The following PRDM15 variants were observed in gnomAD, a reference collection of about 807,000 sequenced individuals.
PRDM15 encodes the protein PR domain zinc finger protein 15.
PRDM15 carries 64 observed loss-of-function variants against 128.6 expected under a neutral mutation model. The ratio of observed to expected loss-of-function variants is 0.50; its 90% CI spans 0.41 to 0.61. The LOEUF (loss-of-function observed/expected upper bound fraction) is 0.61. Ranked by LOEUF, PRDM15 falls within the 20% of genes least tolerant of loss-of-function variation. The pLI is 0.00. For synonymous variants in PRDM15, 615 were observed against 621.8 expected, an observed-to-expected ratio of 0.99 and a Z score of 0.16; for missense variants, 1,242 against 1,569.1, an observed-to-expected ratio of 0.79 and a Z score of 3.52.
intron 6 of PRDM15, among the ~76,000 whole-genome samples, chr21:41,841,979 T>C (rs941442727): frequency 6.6e-6 from 1 of 152,098 alleles, no homozygotes; most frequent in Non-Finnish European, 1.5e-5. Flanking sequence ...TAAGAAAAAA[T>C]CATCTGAAAT....
intron 11 of PRDM15, among the ~76,000 whole-genome samples, chr21:41,831,555 G>T (rs1219529828): frequency 6.6e-6 from 1 of 152,256 alleles, no homozygotes; most frequent in Non-Finnish European, 1.5e-5. Context: ...CCAATGTGCA[G>T]CCCAGGTTGG....
At chr21:41,816,407 C>T (rs1435724746) in intron 18 of PRDM15, among the ~76,000 whole-genome samples, 11 of 152,206 alleles carry the variant, frequency 7.2e-5, no homozygotes. Context: ...GCAGGGGGCA[C>T]AGGCATGTGC....
In PRDM15 at chr21:41,821,703, C is replaced by T. The variant is rs1422901554; in HGVS notation, c.1896+200G>A. On this transcript the variant is annotated intron_variant, in intron 15 of 23. Transcript: ENST00000398548. This position sits in a 1 kb window ranked among gnomAD's most constrained non-coding sequence, Gnocchi z 5.4. ...ACCCACACAGACCGTCCCTGAGCAC[C>T]AAGGTGACACAGGCTGGCCTTCCCA... is the stretch of plus-strand genomic sequence containing the variant. Among the ~76,000 whole-genome samples the T allele has an allele frequency of 6.6e-6, 1 of 152,236 alleles. No homozygotes were observed. The highest frequency in any genetic ancestry group is 1.9e-4 in the East Asian group (1 of 5,196).
At chr21:41,846,754 A>G (rs1041068784) in intron 6 of PRDM15, among the ~76,000 whole-genome samples, 3 of 152,256 alleles carry the variant, frequency 2.0e-5, no homozygotes, top group African/African-American at 7.2e-5. Context: ...TGTCAAGTAG[A>G]GACAACAAAG....
At chr21:41,827,884 C>T (rs138158272) in intron 12 of PRDM15, among the ~76,000 whole-genome samples, 1,626 of 152,226 alleles carry the variant, frequency 0.011, 71 homozygotes, top group Admixed American at 0.082. Context: ...CCCCACAAAT[C>T]GTCCAGTTTT....
rs894357711 is a variant in PRDM15 at position 41,799,587 on chromosome 21, C to T, written c.*1653G>A. 1 of 152,190 alleles carries T rather than the reference C, an allele frequency of 6.6e-6. No individual in the cohort carries two copies. Among genetic ancestry groups the T allele is most frequent in the Admixed American group, 6.5e-5 (1 of 15,280 alleles). The allele number at this position is 152,190 out of a possible 1,614,324, so 9.4% of individuals were successfully genotyped here. ...ATGAACATTCCTTAGTTCATGAAGG[C>T]ATATATTGCACAAAACAAATTCCAG... is the stretch of plus-strand genomic sequence containing the variant. On this transcript the variant is annotated 3_prime_UTR_variant, in exon 24 of 24. Transcript: ENST00000398548.
rs368311223 is a variant in PRDM15, at chr21:41,860,231, A to G, written c.37+96T>C. The G allele has an allele frequency of 3.7e-5, 32 of 859,822 alleles. 2 individuals are homozygous for G. The highest frequency in any genetic ancestry group is 1.2e-4 in the East Asian group (5 of 41,124). The allele number at this position is 859,822 out of a possible 1,614,324, so 53.3% of individuals were successfully genotyped here. ...TTTCTATATTATAAAAACCAAATGT[A>G]GACGTGGCTTTGCCCAGACAGCAAG... On this transcript the variant is annotated intron_variant, in intron 2 of 23. Coordinates refer to ENST00000398548, the MANE Select transcript of PRDM15 (RefSeq NM_001040424.3).
chr21:41,806,533 ATC>A (rs2061658337), intron 21 of PRDM15, among the ~76,000 whole-genome samples: 2 of 54,338 alleles, frequency 3.7e-5, no homozygotes, highest in African/African-American at 2.0e-4. Flanking sequence ...CACCACCACC[ATC>A]ACTACCACCA....
intron 18 of PRDM15, among the ~76,000 whole-genome samples, chr21:41,817,939 C>T (rs2062108292): frequency 6.6e-6 from 1 of 152,216 alleles, no homozygotes; most frequent in African/African-American, 2.4e-5. Context: ...ATGTCTACAA[C>T]ATTATAAAAT....
At chr21:41,865,511 ACACCC>A (rs986501212) in intron 1 of PRDM15, among the ~76,000 whole-genome samples, 4 of 151,812 alleles carry the variant, frequency 2.6e-5, no homozygotes, top group Admixed American at 1.3e-4. Flanking sequence ...ACCCCCTAAC[ACACCC>A]CAGGCTGTGG....
At chr21:41,822,059 C>T (rs754725354) in intron 14 of PRDM15, 22 bp from the exon 15 acceptor site, 31 of 1,613,182 alleles carry the variant, frequency 1.9e-5, no homozygotes, top group South Asian at 8.8e-5. Context: ...CCACCACTTC[C>T]GGTTTCTAAC....
chr21:41,827,776 C>T (rs1601245217), intron 12 of PRDM15, among the ~76,000 whole-genome samples: 1 of 152,052 alleles, frequency 6.6e-6, no homozygotes, highest in African/African-American at 2.4e-5. Context: ...CTTAGTTGCT[C>T]TTATACTGGT....
Position 41,865,158 on chromosome 21 carries a change from C to G in PRDM15, c.-9-4786G>C, listed in dbSNP as rs55884678. On this transcript the variant is annotated intron_variant, in intron 1 of 23. Transcript: ENST00000398548. ...TCCCCACTCCCCACTCCCCGGCTCA[C>G]TCCTCACTCCCCTGCTCACTCCTCA... is the stretch of plus-strand genomic sequence containing the variant. 1.3e-3 allele frequency among the ~76,000 whole-genome samples: 119 copies of G among 93,856 alleles called. 1 individual carries two copies. Among genetic ancestry groups the G allele is most frequent in the African/African-American group, 4.5e-3 (114 of 25,186 alleles). 61.6% of individuals were successfully genotyped at this position (93,856 alleles called of 152,430 possible).
intron 14 of PRDM15, among the ~76,000 whole-genome samples, chr21:41,822,331 C>T (rs1333758880): frequency 6.6e-6 from 1 of 152,234 alleles, no homozygotes; most frequent in Admixed American, 6.5e-5. Flanking sequence ...GGGAAGTCCC[C>T]CTAGTGAGTC....
At chr21:41,818,070 C>G (rs940314274) in intron 18 of PRDM15, among the ~76,000 whole-genome samples, 3 of 152,240 alleles carry the variant, frequency 2.0e-5, no homozygotes, top group East Asian at 3.8e-4. Context: ...TAAGCCCCCA[C>G]CCCTGCCCCT....
At chr21:41,816,750 G>C (rs1455619876) in intron 18 of PRDM15, among the ~76,000 whole-genome samples, 2 of 152,144 alleles carry the variant, frequency 1.3e-5, no homozygotes, top group African/African-American at 4.8e-5. Flanking sequence ...GCCAGCAGGG[G>C]GAGCAAAGGC....
rs536148119 is a variant in PRDM15 at position 41,836,476 on chromosome 21, C to T, written c.1175G>A (p.Arg392His). The stretch of plus-strand genomic sequence containing the variant: ...GGGCCTCGCGGACTCACCATGCGAG[C>T]GCACGTGCCTGCTCAGGTTGCTGCT... ...QNSSNLSRHV[R>H]SHGDKLFKCE... Residue 392 changes from arginine to histidine, a missense_variant, in exon 9 of 24, where the codon CGC (arginine) becomes CAC (histidine). Coordinates refer to ENST00000398548, the MANE Select transcript of PRDM15 (RefSeq NM_001040424.3). The T allele has an allele frequency of 3.1e-6, 5 of 1,609,702 alleles. No individual in the cohort carries two copies. The South Asian group carries it at 3.3e-5, about 11-fold the overall frequency.
In PRDM15 at chr21:41,874,502, CAT is replaced by C. The variant is rs756151491; in HGVS notation, c.-10+4766_-10+4767del. 1.7e-3 allele frequency among the ~76,000 whole-genome samples: 202 copies of C among 118,628 alleles called. 7 individuals carry two copies. Among genetic ancestry groups the C allele is most frequent in the Middle Eastern group, 9.4e-3 (2 of 212 alleles). 77.8% of individuals were successfully genotyped at this position (118,628 alleles called of 152,430 possible). A position where few individuals can be genotyped will look rare whatever the true frequency, so the allele number is the denominator to read the frequency against. ...AAACCTACTATAACTAAGCAGCATG[CAT>C]ATATATATATATATATATATATTTT... On this transcript the variant is annotated intron_variant, in intron 1 of 23. Transcript: ENST00000398548.
intron 4 of PRDM15, among the ~76,000 whole-genome samples, chr21:41,856,143 T>C (rs181675332): frequency 7.9e-4 from 2 of 2,516 alleles, no homozygotes; most frequent in Non-Finnish European, 1.3e-3. Context: ...TCCCTTCCTT[T>C]CCTTCCTTCC....
Sources: allele counts gnomAD v4.1 joint callset (sites outside exome capture counted in the v4.1 genomes callset), GRCh38; gene constraint gnomAD v4.1.1; non-coding constraint Gnocchi (gnomAD v3.1); transcripts MANE v1.5; gene names NCBI Gene and HGNC (gene_info 2026-07-23, HGNC 2026-07-21).